The following STAM variants were observed in gnomAD, a reference collection of about 807,000 sequenced individuals.
The protein encoded by STAM is signal transducing adaptor molecule.
STAM carries 16 observed loss-of-function variants against 63.4 expected under a neutral mutation model. That is an observed-to-expected ratio of 0.25 (90% CI 0.17 to 0.38). The LOEUF (loss-of-function observed/expected upper bound fraction) is 0.38, where lower values mean the gene tolerates loss of function less well. STAM is among the 10% of genes least tolerant of loss of function. STAM has a pLI of 1.00. For synonymous variants in STAM, 238 were observed against 223.9 expected (o/e 1.06, Z -0.56); for missense variants, 636 against 657.1 (o/e 0.97, Z 0.35).
chr10:17,644,267 C>G lies in STAM; in HGVS notation c.-73C>G. 1 of 1,549,130 alleles carries G rather than the reference C, an allele frequency of 6.5e-7. No individual in the cohort carries two copies. The highest frequency in any genetic ancestry group is 1.1e-5 in the South Asian group (1 of 89,502). ...TTGCTCTTTTTGCCTGAGGAGTCTT[C>G]CATCCTACGTCGAGCTCTGACTCCC... On this transcript the variant is annotated 5_prime_UTR_variant, in exon 1 of 14. Coordinates refer to ENST00000377524, the MANE Select transcript of STAM (RefSeq NM_003473.4).
chr10:17,695,217 A>C lies in STAM; in HGVS notation c.704A>C (p.Glu235Ala). Residue 235 changes from glutamate (E) to alanine (A), a missense_variant, in exon 7 of 14, where the codon GAA (glutamate) becomes GCA (alanine). Coordinates refer to ENST00000377524, the MANE Select transcript of STAM (RefSeq NM_003473.4). The part of the protein sequence containing the change: ...EDNELTFKAG[E>A]IITVLDDSDP... ...AATGAACTTACTTTTAAAGCTGGAG[A>C]AATTATTACAGTTCTTGATGACAGG... is the stretch of plus-strand genomic sequence containing the variant. 6.2e-7 allele frequency: 1 copy of C among 1,613,842 alleles called. No homozygotes were observed. Among genetic ancestry groups the C allele is most frequent in the Non-Finnish European group, 8.5e-7 (1 of 1,179,892 alleles).
intron 1 of STAM, among the ~76,000 whole-genome samples, chr10:17,655,498 A>C (rs558000771): frequency 6.6e-6 from 1 of 152,286 alleles, no homozygotes; most frequent in Non-Finnish European, 1.5e-5. Flanking sequence ...GGTGGTAGTG[A>C]CTAACTAGCA....
chr10:17,702,523 C>A (rs1342610967), intron 9 of STAM, among the ~76,000 whole-genome samples: 2 of 152,014 alleles, frequency 1.3e-5, no homozygotes, highest in Non-Finnish European at 2.9e-5. Context: ...GAATCTTATC[C>A]TTTGTAACAT....
intron 8 of STAM, among the ~76,000 whole-genome samples, chr10:17,699,987 A>C (rs2131670659): frequency 6.6e-6 from 1 of 152,332 alleles, no homozygotes; most frequent in South Asian, 2.1e-4. Context: ...AAATGTTTAC[A>C]AGAGAAAATT....
intron 13 of STAM, among the ~76,000 whole-genome samples, chr10:17,714,312 A>C (rs868921841): frequency 2.9e-4 from 43 of 149,902 alleles, no homozygotes; most frequent in Middle Eastern, 3.5e-3. Flanking sequence ...TCCGCAAACC[A>C]CCCCCCCCAA....
At chr10:17,699,716 C>T (rs1273031705) in intron 8 of STAM, among the ~76,000 whole-genome samples, 1 of 152,200 alleles carries the variant, frequency 6.6e-6, no homozygotes, top group Admixed American at 6.5e-5. Context: ...TAATACATAG[C>T]TGATTTTCCC....
intron 12 of STAM, among the ~76,000 whole-genome samples, chr10:17,708,019 T>C (rs1554829545): frequency 6.6e-6 from 1 of 151,984 alleles, no homozygotes; most frequent in Non-Finnish European, 1.5e-5. Context: ...GCCTCCCGAG[T>C]AGCTGGGACT....
intron 2 of STAM, among the ~76,000 whole-genome samples, chr10:17,675,385 T>A (rs1449127915): frequency 6.6e-6 from 1 of 151,986 alleles, no homozygotes; most frequent in Non-Finnish European, 1.5e-5. Flanking sequence ...CTGCCTGTTA[T>A]CTCAGCTACT....
At chr10:17,671,315 T>G (rs1218785158) in intron 2 of STAM, among the ~76,000 whole-genome samples, 2 of 152,232 alleles carry the variant, frequency 1.3e-5, no homozygotes, top group Non-Finnish European at 2.9e-5. Flanking sequence ...AAAGCTACAG[T>G]TGTAAAAGCA....
At position 17,660,622 on chromosome 10, in the gene STAM, G is replaced by T. The variant is rs927987405; in HGVS notation, c.125+74G>T. The T allele has an allele frequency of 7.0e-6, 8 of 1,138,224 alleles. No homozygotes were observed. In the East Asian group the frequency reaches 1.7e-4, roughly 25 times the overall value. 70.5% of individuals were successfully genotyped at this position (1,138,224 alleles called of 1,614,324 possible). On this transcript the variant is annotated intron_variant, in intron 2 of 13. Coordinates refer to ENST00000377524, the MANE Select transcript of STAM (RefSeq NM_003473.4). The stretch of plus-strand genomic sequence containing the variant: ...CACGAAAGGCCAGGTGCAGTGGCTT[G>T]CACCTGTAGGCCCAGCCCCTCGGTA...
chr10:17,651,064 CAAAAAAAAAAAAAA>C (rs10606057), intron 1 of STAM, among the ~76,000 whole-genome samples: 16 of 55,768 alleles, frequency 2.9e-4, no homozygotes, highest in Non-Finnish European at 3.6e-4. Context: ...GAGTCCGTCT[CAAAAAAAAAAAAAA>C]AAAAAAAAAA....
At chr10:17,711,504 A>C (rs962667809) in intron 13 of STAM, among the ~76,000 whole-genome samples, 3 of 152,226 alleles carry the variant, frequency 2.0e-5, no homozygotes, top group Non-Finnish European at 4.4e-5. Flanking sequence ...TTTATACAAC[A>C]TGATTTATAA....
At chr10:17,664,130 G>A (rs1348520515) in intron 2 of STAM, among the ~76,000 whole-genome samples, 2 of 152,056 alleles carry the variant, frequency 1.3e-5, no homozygotes, top group South Asian at 2.1e-4. Flanking sequence ...CCTAGGCCCT[G>A]TGCCTACATG....
At chr10:17,653,938 A>T (rs1235973703) in intron 1 of STAM, among the ~76,000 whole-genome samples, 1 of 152,170 alleles carries the variant, frequency 6.6e-6, no homozygotes, top group Non-Finnish European at 1.5e-5. Context: ...AGTACTTTCT[A>T]TGTGAGTTGC....
At chr10:17,692,423 G>C (rs555210446) in intron 5 of STAM, among the ~76,000 whole-genome samples, 1 of 152,312 alleles carries the variant, frequency 6.6e-6, no homozygotes, top group South Asian at 2.1e-4. Flanking sequence ...GTTGTAAGTA[G>C]AAGTAAATGA....
chr10:17,694,477 A>C (rs868906417), intron 6 of STAM, among the ~76,000 whole-genome samples: 4 of 152,192 alleles, frequency 2.6e-5, no homozygotes, highest in Admixed American at 6.5e-5. Context: ...CTGATATTAC[A>C]TTTCAGAGCC....
intron 5 of STAM, among the ~76,000 whole-genome samples, chr10:17,692,949 A>C (rs1252090251): frequency 6.6e-6 from 1 of 151,732 alleles, no homozygotes; most frequent in Non-Finnish European, 1.5e-5. Context: ...GTCTTCTCTG[A>C]CTTGTGTACC....
In STAM at chr10:17,686,499, C is replaced by T. The variant is rs557391919; in HGVS notation, c.298-1528C>T. The stretch of plus-strand genomic sequence containing the variant: ...TCAAGTGATTCTCCTGCCTCAGCCT[C>T]CTGAGTAGCTGGGAATACAGGCATG... On this transcript the variant is annotated intron_variant, in intron 4 of 13. Transcript: ENST00000377524. Among the ~76,000 whole-genome samples, 6 of 151,908 alleles carry T rather than the reference C, an allele frequency of 3.9e-5. No homozygotes were observed. In the East Asian group the frequency reaches 5.8e-4, roughly 15 times the overall value.
At chr10:17,681,414 G>A (rs782533589) in intron 2 of STAM, among the ~76,000 whole-genome samples, 13 of 151,194 alleles carry the variant, frequency 8.6e-5, no homozygotes, top group Non-Finnish European at 1.8e-4. Flanking sequence ...TGTTCTTTCA[G>A]ATTTTATTCT....
Sources: gnomAD v4.1 joint callset for allele counts (sites outside exome capture counted in the v4.1 genomes callset) on GRCh38, gnomAD v4.1.1 for gene constraint, MANE v1.5 for transcripts, NCBI Gene and HGNC (gene_info 2026-07-23, HGNC 2026-07-21) for gene names.